Variants in UPP2 observed in about 807,000 individuals in gnomAD.
UPP2 encodes uridine phosphorylase 2.
UPP2 carries 23 observed loss-of-function variants against 26.7 expected under a neutral mutation model. That is an observed-to-expected ratio of 0.86 (90% CI 0.62 to 1.22). UPP2 has a LOEUF of 1.22. Among genes scored for constraint, UPP2 ranks in the 50% most tolerant of loss-of-function variants. The probability of loss-of-function intolerance (pLI) is 0.00; values close to 1 mark genes in which losing one functional copy is unlikely to be tolerated. For missense variants in UPP2, 387 were observed against 396.7 expected (o/e 0.98, Z 0.21); for synonymous variants, 127 against 141.3 (o/e 0.90, Z 0.72).
chr2:158,031,805 T>A (rs1683925496), intron 3 of UPP2, among the ~76,000 whole-genome samples: 1 of 152,240 alleles, frequency 6.6e-6, no homozygotes, highest in Non-Finnish European at 1.5e-5. Flanking sequence ...ATTTTTGGTT[T>A]TCTTCAAAAC....
intron 3 of UPP2, among the ~76,000 whole-genome samples, chr2:158,056,030 G>C (rs1436186468): frequency 6.6e-6 from 1 of 152,156 alleles, no homozygotes; most frequent in Non-Finnish European, 1.5e-5. Flanking sequence ...ACTAAACTGG[G>C]AGGCATGATG....
intron 3 of UPP2, among the ~76,000 whole-genome samples, chr2:158,048,654 T>C (rs1182266557): frequency 2.0e-5 from 3 of 152,168 alleles, no homozygotes; most frequent in Non-Finnish European, 2.9e-5. Context: ...TCCCTACATA[T>C]CTTCCCTCTC....
chr2:158,089,966 T>C (rs1682880796), intron 3 of UPP2, among the ~76,000 whole-genome samples: 1 of 152,190 alleles, frequency 6.6e-6, no homozygotes, highest in Non-Finnish European at 1.5e-5. Flanking sequence ...AGTCTCTACA[T>C]GCTGCTCTGT....
At chr2:158,114,847 C>T (rs1335893257) in intron 2 of UPP2, among the ~76,000 whole-genome samples, 2 of 152,174 alleles carry the variant, frequency 1.3e-5, no homozygotes, top group Non-Finnish European at 2.9e-5. Flanking sequence ...CAGGAAACAC[C>T]TCCTTGAATA....
chr2:158,015,858 G>T (rs765529767), exon 3 of UPP2: 1 of 452,702 alleles, frequency 2.2e-6, no homozygotes, highest in South Asian at 1.6e-5. Flanking sequence ...AGGCCTCCCA[G>T]CCATGCTTCC....
At chr2:158,107,656 G>C (rs1683223702) in intron 2 of UPP2, among the ~76,000 whole-genome samples, 1 of 151,972 alleles carries the variant, frequency 6.6e-6, no homozygotes, top group African/African-American at 2.4e-5. Flanking sequence ...TAAGGAAGGA[G>C]GGAAGGAAAG....
At chr2:158,041,661 G>A (rs1684082836) in intron 3 of UPP2, among the ~76,000 whole-genome samples, 1 of 152,196 alleles carries the variant, frequency 6.6e-6, no homozygotes, top group Admixed American at 6.5e-5. Flanking sequence ...CAGTGTGAGG[G>A]TAGACAACAG....
At chr2:158,068,346 G>A (rs1682470248) in intron 3 of UPP2, among the ~76,000 whole-genome samples, 1 of 152,202 alleles carries the variant, frequency 6.6e-6, no homozygotes, top group African/African-American at 2.4e-5. Flanking sequence ...AACCCGAGGA[G>A]AAACAAGTCT....
chr2:158,091,786 T>C (rs777716385), intron 3 of UPP2, among the ~76,000 whole-genome samples: 20 of 152,176 alleles, frequency 1.3e-4, no homozygotes, highest in African/African-American at 1.9e-4. Context: ...ACCCTGGGCA[T>C]GTTAGTATGA....
intron 3 of UPP2, among the ~76,000 whole-genome samples, chr2:158,044,649 T>C (rs1483990137): frequency 1.3e-5 from 2 of 152,200 alleles, no homozygotes; most frequent in African/African-American, 2.4e-5. Context: ...ATGCTTATGT[T>C]CGATCAGGTA....
At chr2:158,060,084 GTGCA>G (rs780274288) in intron 3 of UPP2, among the ~76,000 whole-genome samples, 14 of 151,942 alleles carry the variant, frequency 9.2e-5, no homozygotes, top group Non-Finnish European at 1.9e-4. Context: ...GTGTGTGTGC[GTGCA>G]TGCATGTGTG....
chr2:158,134,773 C>T lies in UPP2; in HGVS notation c.837C>T (p.Leu279=), dbSNP rs144944982. Residue 279 remains leucine (L), a synonymous_variant, in exon 7 of 7, where the codon CTC becomes CTT. Transcript: ENST00000005756. The stretch of plus-strand genomic sequence containing the variant: ...CTGCTGTGGTCTGTGTGACACTTCT[C>T]GACAGACTCGACTGTGATCAGATCA... ...LKAAVVCVTL[L]DRLDCDQINL... 111 of 1,612,654 alleles carry T rather than the reference C, an allele frequency of 6.9e-5. No homozygotes were observed. The highest frequency in any genetic ancestry group is 6.6e-4 in the Middle Eastern group (4 of 6,054).
intron 2 of UPP2, among the ~76,000 whole-genome samples, chr2:158,008,891 C>T (rs1354770721): frequency 6.6e-6 from 1 of 152,124 alleles, no homozygotes; most frequent in Non-Finnish European, 1.5e-5. Context: ...GAACATTGAA[C>T]CCCCAAGAGT....
chr2:158,018,615 C>G (rs942878102), intron 3 of UPP2, among the ~76,000 whole-genome samples: 15 of 152,164 alleles, frequency 9.9e-5, no homozygotes, highest in Non-Finnish European at 1.5e-5. Context: ...TGCATAATCT[C>G]TCTATTTGGA....
chr2:158,134,327 G>A (rs1426178831), intron 6 of UPP2, among the ~76,000 whole-genome samples: 6 of 152,178 alleles, frequency 3.9e-5, no homozygotes, highest in African/African-American at 1.4e-4. Context: ...ATTGCACCAA[G>A]GAGAAAAATG....
chr2:158,113,882 C>T (rs1229786892), intron 2 of UPP2, among the ~76,000 whole-genome samples: 1 of 152,158 alleles, frequency 6.6e-6, no homozygotes, highest in Non-Finnish European at 1.5e-5. Flanking sequence ...GGAAAAGTAA[C>T]AAGCTCAGAA....
In UPP2 at chr2:158,094,242, TA is replaced by T. The variant is rs967761498; in HGVS notation, c.148-7789del. 1.1e-3 allele frequency among the ~76,000 whole-genome samples: 160 copies of T among 150,972 alleles called. 1 individual carries two copies. The highest frequency in any genetic ancestry group is 1.4e-3 in the African/African-American group (57 of 41,216). ...CAGGGCTTTAATGAAATCTTTCCTT[TA>T]AAAAAAAATGTGTTAAATATGGCAA... is the stretch of plus-strand genomic sequence containing the variant. On this transcript the variant is annotated intron_variant, in intron 3 of 9. Coordinates refer to the UPP2 transcript ENST00000605860.
upstream of UPP2, chr2:158,101,791 A>AG: frequency 8.6e-7 from 1 of 1,162,726 alleles, no homozygotes; most frequent in Non-Finnish European, 1.1e-6. Flanking sequence ...ACACCTTCAA[A>AG]GGGGGCCTAT....
chr2:158,010,763 CTTTTTTT>C lies in UPP2; in HGVS notation c.62-5024_62-5018del, dbSNP rs34328148. On this transcript the variant is annotated intron_variant, in intron 2 of 9. Transcript: ENST00000605860. ...AGAGCATCATTAGCTCCCTCTTTTT[CTTTTTTT>C]TTTTTTTTTTTTTGAGACAGAGTCT... Among the ~76,000 whole-genome samples, 37 of 82,908 alleles carry C rather than the reference CTTTTTTT, an allele frequency of 4.5e-4. No homozygotes were observed. The Admixed American group carries it at 5.6e-3, about 12-fold the overall frequency. The allele number at this position is 82,908 out of a possible 152,430, so 54.4% of individuals were successfully genotyped here.
Sources: gnomAD v4.1 joint callset for allele counts (sites outside exome capture counted in the v4.1 genomes callset) on GRCh38, gnomAD v4.1.1 for gene constraint, MANE v1.5 for transcripts, NCBI Gene and HGNC (gene_info 2026-07-23, HGNC 2026-07-21) for gene names.